ZNF682: variants seen among roughly 807,000 people sequenced by gnomAD.
The protein encoded by ZNF682 is zinc finger protein 682.
ZNF682 carries 29 observed loss-of-function variants against 36.5 expected under a neutral mutation model. That is an observed-to-expected ratio of 0.80 (90% CI 0.59 to 1.08). The LOEUF (loss-of-function observed/expected upper bound fraction) is 1.08. Among genes scored for constraint, ZNF682 ranks in the 50% least tolerant of loss-of-function variants. ZNF682 has a pLI of 0.00. For missense variants in ZNF682, 561 were observed against 579.7 expected (o/e 0.97, Z 0.33); for synonymous variants, 180 against 197.0 (o/e 0.91, Z 0.72).
At chr19:20,010,006 C>T (rs982703611) in intron 3 of ZNF682, among the ~76,000 whole-genome samples, 4 of 150,456 alleles carry the variant, frequency 2.7e-5, no homozygotes, top group Admixed American at 6.6e-5. Flanking sequence ...GGCCACAGAG[C>T]GAGACTCCAT....
chr19:20,025,608 C>A (rs8106259), intron 1 of ZNF682, among the ~76,000 whole-genome samples: 1 of 151,208 alleles, frequency 6.6e-6, no homozygotes. Context: ...ATGTGGGAGG[C>A]GGAGATTGCA....
At chr19:19,998,801 T>G (rs1206667304) in intron 3 of ZNF682, among the ~76,000 whole-genome samples, 1 of 152,090 alleles carries the variant, frequency 6.6e-6, no homozygotes, top group Non-Finnish European at 1.5e-5. Context: ...GGAATTTGCC[T>G]TTTCAGTTTG....
chr19:19,999,362 G>C (rs1471635363), intron 3 of ZNF682, among the ~76,000 whole-genome samples: 1 of 152,112 alleles, frequency 6.6e-6, no homozygotes, highest in Non-Finnish European at 1.5e-5. Context: ...AATAAGTTGG[G>C]TTTTCCTAAT....
At position 20,006,059 on chromosome 19, in the gene ZNF682, G is replaced by A; in HGVS notation, c.1443C>T (p.Cys481=). 6.2e-7 allele frequency: 1 copy of A among 1,609,674 alleles called. No homozygotes were observed. The highest frequency in any genetic ancestry group is 8.5e-7 in the Non-Finnish European group (1 of 1,177,512). The change falls in exon 4 of 4, where the codon TGC becomes TGT. Residue 481 remains cysteine (C), a synonymous_variant. Coordinates refer to ENST00000397165, the MANE Select transcript of ZNF682 (RefSeq NM_033196.3). ...HKRVQRGEKS[C]KYKKCGEAFN... ...AAGCTTCCCCACATTTTTTATACTT[G>A]CAGGATTTCTCTCCTCTTTGAACTC...
At chr19:19,996,270 T>C (rs1206270250), downstream of ZNF682, among the ~76,000 whole-genome samples, 1 of 152,204 alleles carries the variant, frequency 6.6e-6, no homozygotes, top group Non-Finnish European at 1.5e-5. Flanking sequence ...TGGAAAACAG[T>C]ATGGAGATTC....
chr19:20,017,518 T>C (rs2088344823), intron 3 of ZNF682, among the ~76,000 whole-genome samples: 1 of 152,106 alleles, frequency 6.6e-6, no homozygotes, highest in Non-Finnish European at 1.5e-5. Flanking sequence ...ATAACACATA[T>C]AACTGTTATA....
intron 1 of ZNF682, among the ~76,000 whole-genome samples, chr19:20,031,402 A>G (rs2088478422): frequency 6.6e-6 from 1 of 152,220 alleles, no homozygotes; most frequent in East Asian, 1.9e-4. Flanking sequence ...GAAATTTTCA[A>G]GGACCACACT....
intron 1 of ZNF682, among the ~76,000 whole-genome samples, chr19:20,035,419 T>C (rs1267278169): frequency 6.6e-6 from 1 of 151,920 alleles, no homozygotes; most frequent in African/African-American, 2.4e-5. Flanking sequence ...AGACACATGG[T>C]TTCACCATGG....
chr19:20,005,392 T>C lies in ZNF682; in HGVS notation c.*613A>G, dbSNP rs988955258. On this transcript the variant is annotated 3_prime_UTR_variant, in exon 4 of 4. Transcript: ENST00000397165. ...ACTAGTGTTTTCTAAGGTGTACTTT[T>C]TAAACAATTTTTTTCATATTCATTA... 1.3e-4 allele frequency: 20 copies of C among 152,342 alleles called. No individual in the cohort carries two copies. The highest frequency in any genetic ancestry group is 4.8e-4 in the African/African-American group (20 of 41,416). 9.4% of individuals were successfully genotyped at this position (152,342 alleles called of 1,614,324 possible).
Position 20,021,058 on chromosome 19 carries a change from A to C in ZNF682, c.226+1946T>G, listed in dbSNP as rs551377774. Among the ~76,000 whole-genome samples, 3 of 47,846 alleles carry C rather than the reference A, an allele frequency of 6.3e-5. No individual in the cohort carries two copies. In the South Asian group the frequency reaches 3.1e-3, roughly 49 times the overall value. 31.4% of individuals were successfully genotyped at this position (47,846 alleles called of 152,430 possible). ...CAATCTTTTGGCTTCCCTGGGCCAC[A>C]GTGGAAGAATTGTCTTGGGCCACGC... On this transcript the variant is annotated intron_variant, in intron 3 of 3. Coordinates refer to ENST00000397165, the MANE Select transcript of ZNF682 (RefSeq NM_033196.3).
At position 20,020,821 on chromosome 19, in the gene ZNF682, T is replaced by C. The variant is rs1039042908; in HGVS notation, c.226+2183A>G. Among the ~76,000 whole-genome samples the C allele has an allele frequency of 4.6e-5, 7 of 151,872 alleles. No individual in the cohort carries two copies. In the South Asian group the frequency reaches 6.2e-4, roughly 13 times the overall value. On this transcript the variant is annotated intron_variant, in intron 3 of 3. Transcript: ENST00000397165. ...AATAAGCCAGACACAGAAAGAAAAA[T>C]AATGCATGATCCTCAGCTCTATGGG...
chr19:20,012,312 A>G (rs1297517422), intron 3 of ZNF682, among the ~76,000 whole-genome samples: 1 of 152,222 alleles, frequency 6.6e-6, no homozygotes, highest in Non-Finnish European at 1.5e-5. Context: ...TGAAAGATAA[A>G]CAAGATCACT....
At chr19:20,026,641 T>A (rs867670517) in intron 1 of ZNF682, among the ~76,000 whole-genome samples, 1 of 151,938 alleles carries the variant, frequency 6.6e-6, no homozygotes, top group Admixed American at 6.6e-5. Context: ...ATTTTTTGGG[T>A]TTTTAGTAGA....
At chr19:19,999,434 G>T (rs908394842), downstream of ZNF682, among the ~76,000 whole-genome samples, 5 of 152,202 alleles carry the variant, frequency 3.3e-5, no homozygotes, top group African/African-American at 1.2e-4. Flanking sequence ...TTTAAAAATG[G>T]GCTGAAGTTG....
chr19:20,001,702 CTT>C (rs1400044216), downstream of ZNF682, among the ~76,000 whole-genome samples: 1 of 152,200 alleles, frequency 6.6e-6, no homozygotes, highest in African/African-American at 2.4e-5. Context: ...GGTGGAATGA[CTT>C]CTCCAAGCCT....
chr19:20,010,141 AG>A (rs1344714505), intron 3 of ZNF682, among the ~76,000 whole-genome samples: 2 of 152,194 alleles, frequency 1.3e-5, no homozygotes, highest in Non-Finnish European at 2.9e-5. Context: ...AGCAACCACT[AG>A]GTGAATTAAC....
At chr19:20,036,222 A>G (rs2088527539) in intron 1 of ZNF682, among the ~76,000 whole-genome samples, 1 of 152,164 alleles carries the variant, frequency 6.6e-6, no homozygotes, top group Non-Finnish European at 1.5e-5. Flanking sequence ...GCAGTTTTCT[A>G]TTGAAAACAC....
At chr19:20,038,869 A>G (rs1366774733) in intron 1 of ZNF682, among the ~76,000 whole-genome samples, 1 of 152,200 alleles carries the variant, frequency 6.6e-6, no homozygotes, top group Non-Finnish European at 1.5e-5. Flanking sequence ...ACCCCCAACC[A>G]CAAACCGTGG....
intron 1 of ZNF682, among the ~76,000 whole-genome samples, chr19:20,036,353 T>C (rs1229862644): frequency 6.7e-6 from 1 of 150,232 alleles, no homozygotes; most frequent in Non-Finnish European, 1.5e-5. Flanking sequence ...GTTTTGCTCC[T>C]ATTGCCCAGG....
Sources: allele counts gnomAD v4.1 joint callset (sites outside exome capture counted in the v4.1 genomes callset), GRCh38; gene constraint gnomAD v4.1.1; transcripts MANE v1.5; gene names NCBI Gene and HGNC (gene_info 2026-07-23, HGNC 2026-07-21).